The following C3orf52 variants were observed in gnomAD, a reference collection of about 807,000 sequenced individuals.
The protein encoded by C3orf52 is TPA-induced transmembrane protein.
In C3orf52, 22 loss-of-function variants were observed where a neutral mutation model predicts 24.8. The ratio of observed to expected loss-of-function variants is 0.89; its 90% CI spans 0.63 to 1.27. C3orf52 has a LOEUF of 1.27. Ranked by LOEUF, C3orf52 falls within the 50% of genes most tolerant of loss-of-function variation. C3orf52 has a pLI of 0.00. For missense variants in C3orf52, 265 were observed against 260.7 expected (o/e 1.02, Z -0.11); for synonymous variants, 93 against 100.2 (o/e 0.93, Z 0.43).
At chr3:112,125,177 TG>T in intron 4 of C3orf52, 1 of 1,232,646 alleles carries the variant, frequency 8.1e-7, no homozygotes, top group Non-Finnish European at 1.2e-6. Context: ...TTAGGGTGTC[TG>T]TACTTCTATC....
chr3:112,132,886 C>A (rs960479410), downstream of C3orf52: 6 of 541,946 alleles, frequency 1.1e-5, no homozygotes, highest in African/African-American at 7.8e-5. Flanking sequence ...AGCTGCTCAC[C>A]ATGATTCTTG....
intron 4 of C3orf52, chr3:112,123,420 G>A (rs1327863288): frequency 6.3e-7 from 1 of 1,592,274 alleles, no homozygotes; most frequent in Admixed American, 1.7e-5. Context: ...CCTTTTATTT[G>A]TTGGTGCTAA....
intron 3 of C3orf52, among the ~76,000 whole-genome samples, chr3:112,107,126 A>T (rs541250476): frequency 4.6e-5 from 7 of 152,228 alleles, no homozygotes; most frequent in African/African-American, 1.4e-4. Context: ...CGACCACTCC[A>T]TATGTTACCT....
At chr3:112,134,881 C>G (rs1420252154), downstream of C3orf52, 1 of 154,834 alleles carries the variant, frequency 6.5e-6, no homozygotes, top group Non-Finnish European at 1.5e-5. Flanking sequence ...TGAAAGAGAC[C>G]AGACTTAAAG....
Position 112,113,107 on chromosome 3 carries a change from A to G in C3orf52, c.611A>G (p.Glu204Gly), listed in dbSNP as rs749369342. ...CGTGATCAGAATATACCTGGTTGTG[A>G]GAGTCTGGGGCTTGATCCAACATCC... is the stretch of plus-strand genomic sequence containing the variant. Reference protein sequence around the residue: ...DFRDQNIPGCESLGLDPTSLL... With the variant: ...DFRDQNIPGCGSLGLDPTSLL... Residue 204 changes from glutamate to glycine, a missense_variant, in exon 5 of 6, where the codon GAG (glutamate) becomes GGG (glycine). Transcript: ENST00000264848. 6.2e-7 allele frequency: 1 copy of G among 1,611,166 alleles called. No homozygotes were observed. The highest frequency in any genetic ancestry group is 1.7e-5 in the Admixed American group (1 of 59,702).
downstream of C3orf52, chr3:112,130,539 G>A (rs779755453): frequency 7.9e-5 from 127 of 1,603,842 alleles, 1 homozygote; most frequent in Admixed American, 2.1e-3. Context: ...TCAGAAACAG[G>A]CTAAGTATTT....
chr3:112,098,249 C>T (rs547047013), intron 2 of C3orf52, among the ~76,000 whole-genome samples: 3 of 152,340 alleles, frequency 2.0e-5, no homozygotes, highest in African/African-American at 7.2e-5. Flanking sequence ...GCCAACATTT[C>T]TCTGTCTCCT....
At chr3:112,099,870 T>C (rs941497943) in intron 2 of C3orf52, among the ~76,000 whole-genome samples, 1 of 152,232 alleles carries the variant, frequency 6.6e-6, no homozygotes, top group African/African-American at 2.4e-5. Flanking sequence ...CAGGATACTT[T>C]ATGCATGTTG....
chr3:112,109,610 T>G lies in C3orf52; in HGVS notation c.464T>G (p.Phe155Cys). ...RYFTSVEIVD[F>C]SGENATVTYD... Reference sequence around the variant, plus strand: ...TTTACTTCAGTTGAAATAGTGGACTTCAGGTAAGAGTGTGGAACATTACAT... The same window carrying G: ...TTTACTTCAGTTGAAATAGTGGACTGCAGGTAAGAGTGTGGAACATTACAT... Residue 155 changes from phenylalanine (F) to cysteine (C), a missense_variant, in exon 4 of 6, where the codon TTC becomes TGC. Transcript: ENST00000264848. 1 of 1,581,684 alleles carries G rather than the reference T, an allele frequency of 6.3e-7. No individual in the cohort carries two copies. The highest frequency in any genetic ancestry group is 2.2e-5 in the East Asian group (1 of 44,736).
rs139031212 is a variant in C3orf52 at position 112,125,504 on chromosome 3, C to T, written c.*47-2729C>T. Among the ~76,000 whole-genome samples, 529 of 152,218 alleles carry T rather than the reference C, an allele frequency of 3.5e-3. 3 individuals carry two copies. The highest frequency in any genetic ancestry group is 0.031 in the Middle Eastern group (9 of 294). Reference sequence around the variant, plus strand: ...TGGTTAGTCTTTGGAAAGGAAATCACGATTTCTTCCTCCAGCTCTCTTTCC... The same window carrying T: ...TGGTTAGTCTTTGGAAAGGAAATCATGATTTCTTCCTCCAGCTCTCTTTCC... On this transcript the variant is annotated intron_variant, in intron 4 of 4. Transcript: ENST00000480282.
At chr3:112,091,611 A>G (rs1434219660) in intron 1 of C3orf52, among the ~76,000 whole-genome samples, 3 of 152,170 alleles carry the variant, frequency 2.0e-5, no homozygotes, top group African/African-American at 7.2e-5. Context: ...AGTGATTCTG[A>G]TGTGCAGCCA....
intron 5 of C3orf52, among the ~76,000 whole-genome samples, chr3:112,116,267 C>T (rs548640232): frequency 6.6e-6 from 1 of 152,226 alleles, no homozygotes; most frequent in East Asian, 1.9e-4. Context: ...CACCATTTCT[C>T]TCATCAGAAT....
downstream of C3orf52, among the ~76,000 whole-genome samples, chr3:112,119,833 C>T (rs1367252415): frequency 1.3e-5 from 2 of 152,248 alleles, no homozygotes; most frequent in East Asian, 3.8e-4. Context: ...AGGCACCTCC[C>T]TCATCTCACA....
chr3:112,114,823 T>C lies in C3orf52; in HGVS notation c.649+1678T>C, dbSNP rs16859214. On this transcript the variant is annotated intron_variant, in intron 5 of 5. Coordinates refer to ENST00000264848, the MANE Select transcript of C3orf52 (RefSeq NM_024616.3). The stretch of plus-strand genomic sequence containing the variant: ...GATTTTCTTAGGCCCCTTGCAAAAA[T>C]TGTTACTGGCTCTTTCCAAATGGAG... Among the ~76,000 whole-genome samples, 913 of 152,168 alleles carry C rather than the reference T, an allele frequency of 6.0e-3. 20 individuals carry two copies. Among genetic ancestry groups the C allele is most frequent in the East Asian group, 0.05 (261 of 5,170 alleles).
chr3:112,120,420 G>A (rs891946067), downstream of C3orf52, among the ~76,000 whole-genome samples: 6 of 152,060 alleles, frequency 3.9e-5, no homozygotes, highest in South Asian at 2.1e-4. Context: ...AGATTTTCCC[G>A]CCCTATCTTT....
At chr3:112,108,352 G>A (rs1341758254) in intron 3 of C3orf52, among the ~76,000 whole-genome samples, 1 of 152,212 alleles carries the variant, frequency 6.6e-6, no homozygotes, top group African/African-American at 2.4e-5. Flanking sequence ...GTAACACTAA[G>A]TGCTGGTAAG....
At chr3:112,126,586 C>G (rs1303951083) in intron 4 of C3orf52, among the ~76,000 whole-genome samples, 1 of 152,196 alleles carries the variant, frequency 6.6e-6, no homozygotes, top group African/African-American at 2.4e-5. Context: ...CCCCCGCCTC[C>G]CCACTGTGTA....
intron 4 of C3orf52, chr3:112,109,845 G>T: frequency 2.5e-6 from 1 of 406,406 alleles, no homozygotes. Context: ...TTCAACCAGG[G>T]TCACACAGAA....
intron 4 of C3orf52, chr3:112,123,532 G>A (rs1310974714): frequency 5.6e-6 from 9 of 1,614,190 alleles, no homozygotes; most frequent in Admixed American, 1.7e-5. Flanking sequence ...GAGATTCTGT[G>A]AGGCATGAGA....
Sources: gnomAD v4.1 joint callset for allele counts (sites outside exome capture counted in the v4.1 genomes callset) on GRCh38, gnomAD v4.1.1 for gene constraint, MANE v1.5 for transcripts, NCBI Gene and HGNC (gene_info 2026-07-23, HGNC 2026-07-21) for gene names.